Variants in PDE5A observed in about 807,000 individuals in gnomAD.
The protein encoded by PDE5A is cGMP-specific 3',5'-cyclic phosphodiesterase.
PDE5A carries 67 observed loss-of-function variants against 110.2 expected under a neutral mutation model. The observed-to-expected ratio is 0.61, with a 90% CI of 0.50 to 0.75. The LOEUF (loss-of-function observed/expected upper bound fraction) is 0.75. Ranked by LOEUF, PDE5A falls within the 30% of genes least tolerant of loss-of-function variation. The probability of loss-of-function intolerance (pLI) is 0.00; values close to 1 mark genes in which losing one functional copy is unlikely to be tolerated. For synonymous variants in PDE5A, 328 were observed against 351.2 expected (o/e 0.93, Z 0.74); for missense variants, 862 against 1,045.1 (o/e 0.82, Z 2.42).
At chr4:119,530,157 T>C (rs1726479325) in intron 11 of PDE5A, among the ~76,000 whole-genome samples, 1 of 152,142 alleles carries the variant, frequency 6.6e-6, no homozygotes, top group Non-Finnish European at 1.5e-5. Flanking sequence ...GTGGACCCAG[T>C]GGTGACTGCC....
chr4:119,616,086 T>TACATAC (rs1427274671), intron 1 of PDE5A, among the ~76,000 whole-genome samples: 5 of 152,228 alleles, frequency 3.3e-5, no homozygotes, highest in Non-Finnish European at 5.9e-5. Context: ...TTGTATTACA[T>TACATAC]ACCCTTTTAA....
At chr4:119,506,946 A>T (rs3822191) in intron 16 of PDE5A, among the ~76,000 whole-genome samples, 39,720 of 151,254 alleles carry the variant, frequency 0.26, 5,307 homozygotes, top group East Asian at 0.38. Context: ...AAATCCTGAG[A>T]GTGATTCCCT....
chr4:119,496,127 G>A lies in PDE5A; in HGVS notation c.*2474C>T, dbSNP rs1725058056. 1 of 152,146 alleles carries A rather than the reference G, an allele frequency of 6.6e-6. No individual in the cohort carries two copies. Among genetic ancestry groups the A allele is most frequent in the African/African-American group, 2.4e-5 (1 of 41,436 alleles). The allele number at this position is 152,146 out of a possible 1,614,324, so 9.4% of individuals were successfully genotyped here. The stretch of plus-strand genomic sequence containing the variant: ...CAATTATATAGATATCTTTTAACAA[G>A]TTAGTAAAATAGTGGGGACTTTTCT... On this transcript the variant is annotated 3_prime_UTR_variant, in exon 21 of 21. Coordinates refer to ENST00000354960, the MANE Select transcript of PDE5A (RefSeq NM_001083.4).
intron 16 of PDE5A, among the ~76,000 whole-genome samples, chr4:119,506,195 TTTG>T (rs1203135223): frequency 6.6e-6 from 1 of 151,922 alleles, no homozygotes; most frequent in Non-Finnish European, 1.5e-5. Flanking sequence ...TTCTTGAATA[TTTG>T]TTATTTTAAG....
At position 119,525,668 on chromosome 4, in the gene PDE5A, G is replaced by A. The variant is rs771562220; in HGVS notation, c.1660C>T (p.Leu554Phe). 1.9e-6 allele frequency: 3 copies of A among 1,612,852 alleles called. No homozygotes were observed. In the South Asian group the frequency reaches 3.3e-5, roughly 18 times the overall value. ...CTGAAGCTAAAGTCAGTAATTTTAA[G>A]GGTCTGGGCAGATGGCACCACAGCA... ...AAAVVPSAQT[L>F]KITDFSFSDF... The change falls in exon 12 of 21, where the codon CTT becomes TTT. Residue 554 changes from leucine (L) to phenylalanine (F), a missense_variant. Physicochemically the swap from Leu to Phe is conservative, Grantham distance 22 (BLOSUM62 0). Coordinates refer to ENST00000354960, the MANE Select transcript of PDE5A (RefSeq NM_001083.4). This position sits in a 1 kb window ranked among gnomAD's most constrained non-coding sequence, Gnocchi z 4.3.
intron 12 of PDE5A, among the ~76,000 whole-genome samples, chr4:119,521,883 C>G (rs1013756029): frequency 2.0e-5 from 3 of 151,952 alleles, no homozygotes; most frequent in African/African-American, 7.2e-5. Context: ...GAATCTGCCT[C>G]TCTTCAAATC....
Position 119,560,380 on chromosome 4 carries a change from C to T in PDE5A, c.1132-17G>A, listed in dbSNP as rs979254817. ...AAAAGAATCCTAAAAACAGACAACA[C>T]AGGCTGAGAAATAAGTTTGACAAGG... On this transcript the variant is annotated splice_polypyrimidine_tract_variant and intron_variant, in intron 6 of 20. Coordinates refer to ENST00000354960, the MANE Select transcript of PDE5A (RefSeq NM_001083.4). The T allele has an allele frequency of 1.3e-6, 2 of 1,551,416 alleles. No homozygotes were observed. The highest frequency in any genetic ancestry group is 2.5e-5 in the South Asian group (2 of 80,394).
intron 12 of PDE5A, 123 bp from the exon 13 acceptor site, chr4:119,521,183 C>A: frequency 1.0e-6 from 1 of 1,004,372 alleles, no homozygotes; most frequent in Non-Finnish European, 1.4e-6. Context: ...ATCTTACAGA[C>A]AAGAAAACTG....
intron 6 of PDE5A, among the ~76,000 whole-genome samples, chr4:119,561,255 G>A (rs1196338979): frequency 6.6e-6 from 1 of 152,274 alleles, no homozygotes; most frequent in South Asian, 2.1e-4. Context: ...ATCTGGGGAT[G>A]GAAGAAATCT....
At chr4:119,590,720 C>T (rs1189828184) in intron 3 of PDE5A, among the ~76,000 whole-genome samples, 2 of 152,098 alleles carry the variant, frequency 1.3e-5, no homozygotes, top group Non-Finnish European at 2.9e-5. Context: ...AAATACTTTA[C>T]AAGAATAAGA....
At chr4:119,580,700 A>C (rs1437303729) in intron 3 of PDE5A, among the ~76,000 whole-genome samples, 2 of 152,252 alleles carry the variant, frequency 1.3e-5, no homozygotes, top group Non-Finnish European at 2.9e-5. Flanking sequence ...TTGCTCAAGG[A>C]ATCACTGCTC....
At position 119,628,657 on chromosome 4, in the gene PDE5A, G is replaced by A. The variant is rs1439241316; in HGVS notation, c.15C>T (p.Gly5=). 1.9e-6 allele frequency: 3 copies of A among 1,613,150 alleles called. No individual in the cohort carries two copies. The highest frequency in any genetic ancestry group is 1.1e-5 in the South Asian group (1 of 91,052). MERA[G]PSFGQQRQQQ... is the part of the protein sequence containing the mutation. The stretch of plus-strand genomic sequence containing the variant: ...GCTGTCGCTGCTGCCCGAAGCTGGG[G>A]CCGGCCCGCTCCATGGTTGGCACCG... The change falls in exon 1 of 21, where the codon GGC becomes GGT. Residue 5 remains glycine, a synonymous_variant. Transcript: ENST00000354960.
intron 3 of PDE5A, among the ~76,000 whole-genome samples, chr4:119,578,574 A>G (rs1368539742): frequency 6.6e-6 from 1 of 152,250 alleles, no homozygotes; most frequent in Non-Finnish European, 1.5e-5. Context: ...CCTGACAAAA[A>G]CAAGCAATGG....
chr4:119,538,964 A>G lies in PDE5A; in HGVS notation c.1628T>C (p.Leu543Ser). 1 of 1,611,012 alleles carries G rather than the reference A, an allele frequency of 6.2e-7. No homozygotes were observed. Among genetic ancestry groups the G allele is most frequent in the Non-Finnish European group, 8.5e-7 (1 of 1,177,414 alleles). The change falls in exon 11 of 21, where the codon TTA becomes TCA. Residue 543 changes from leucine to serine, a missense_variant. Physicochemically the swap from Leu to Ser is moderately radical, Grantham distance 145. Coordinates refer to ENST00000354960, the MANE Select transcript of PDE5A (RefSeq NM_001083.4). ...AEEETRELQS[L>S]AAAVVPSAQT... ...AAAAAGAAAGAGGATAATTACCGCT[A>G]ACGACTGTAGCTCTCTTGTTTCTTC...
chr4:119,628,386 T>TC, intron 1 of PDE5A, 134 bp downstream of exon 1: 1 of 619,096 alleles, frequency 1.6e-6, no homozygotes, highest in Non-Finnish European at 2.7e-6. Context: ...TCGCTTAGAG[T>TC]TGAGGTTTCT....
chr4:119,551,454 G>A (rs907188927), intron 9 of PDE5A, among the ~76,000 whole-genome samples: 1 of 152,166 alleles, frequency 6.6e-6, no homozygotes, highest in Non-Finnish European at 1.5e-5. Context: ...ATTGTGCTAA[G>A]CTGATGTATT....
chr4:119,626,384 C>A (rs1730346254), intron 1 of PDE5A, among the ~76,000 whole-genome samples: 1 of 152,176 alleles, frequency 6.6e-6, no homozygotes, highest in South Asian at 2.1e-4. Flanking sequence ...AAACGACCAA[C>A]AAGCCATCCC....
At chr4:119,579,787 A>C (rs188875189) in intron 3 of PDE5A, among the ~76,000 whole-genome samples, 1 of 152,208 alleles carries the variant, frequency 6.6e-6, no homozygotes, top group South Asian at 2.1e-4. Flanking sequence ...ACATGTATAC[A>C]TATGTAACTA....
chr4:119,622,880 A>AG (rs1435977917), intron 1 of PDE5A, among the ~76,000 whole-genome samples: 5 of 150,480 alleles, frequency 3.3e-5, no homozygotes, highest in African/African-American at 1.2e-4. Flanking sequence ...AAAAAAAAGA[A>AG]AGAAAGAAAA....
Sources: gnomAD v4.1 joint callset for allele counts (sites outside exome capture counted in the v4.1 genomes callset) on GRCh38, gnomAD v4.1.1 for gene constraint, Gnocchi (gnomAD v3.1) non-coding constraint, MANE v1.5 for transcripts, NCBI Gene and HGNC (gene_info 2026-07-23, HGNC 2026-07-21) for gene names.